BBOF1: variants seen among roughly 807,000 people sequenced by gnomAD.
The protein encoded by BBOF1 is basal body-orientation factor 1.
A neutral mutation model predicts 68.0 loss-of-function variants in BBOF1; 62 were observed. The observed-to-expected ratio is 0.91, with a 90% confidence interval of 0.74 to 1.13. BBOF1 has a LOEUF of 1.13. BBOF1 is among the 50% of genes most tolerant of loss of function. The probability of loss-of-function intolerance (pLI) is 0.00; values close to 1 mark genes in which losing one functional copy is unlikely to be tolerated. For missense variants in BBOF1, 534 were observed against 600.1 expected (o/e 0.89, Z 1.15); for synonymous variants, 208 against 198.8 (o/e 1.05, Z -0.39).
At chr14:74,030,229 T>G (rs2059533962) in intron 3 of BBOF1, among the ~76,000 whole-genome samples, 1 of 152,078 alleles carries the variant, frequency 6.6e-6, no homozygotes, top group Admixed American at 6.6e-5. Context: ...TTTATTTAAT[T>G]TTTTTAGATA....
chr14:74,042,454 T>A (rs1314361038), intron 5 of BBOF1, among the ~76,000 whole-genome samples: 6 of 152,228 alleles, frequency 3.9e-5, no homozygotes, highest in Admixed American at 3.3e-4. Flanking sequence ...AGTGCTTATG[T>A]AAATAGGATT....
intron 11 of BBOF1, among the ~76,000 whole-genome samples, chr14:74,062,439 T>C (rs1329826015): frequency 6.6e-6 from 1 of 152,032 alleles, no homozygotes; most frequent in Non-Finnish European, 1.5e-5. Context: ...CCGTCTCTAC[T>C]ACAAATACAA....
intron 4 of BBOF1, among the ~76,000 whole-genome samples, chr14:74,038,240 T>C (rs1400822862): frequency 6.6e-6 from 1 of 152,212 alleles, no homozygotes; most frequent in Admixed American, 6.5e-5. Flanking sequence ...ACATAAGGAA[T>C]GTCAACTTTT....
chr14:74,047,857 G>A, intron 6 of BBOF1, 73 bp from the exon 7 acceptor site: 1 of 1,377,088 alleles, frequency 7.3e-7, no homozygotes, highest in South Asian at 1.5e-5. Flanking sequence ...TGCAGGTGGT[G>A]AAGCAATCAT....
Position 74,029,232 on chromosome 14 carries a change from G to C in BBOF1, c.334G>C (p.Glu112Gln). 2 of 1,560,878 alleles carry C rather than the reference G, an allele frequency of 1.3e-6. No individual in the cohort carries two copies. The highest frequency in any genetic ancestry group is 1.9e-5 in the Admixed American group (1 of 52,232). ...QLNETKEKAQ[E>Q]EKDKLEQKYT... Reference sequence around the variant, plus strand: ...AAATGAAACAAAGGAAAAAGCCCAAGAGGAGAAGGATAAATTGGTGAGTTA... The same window carrying C: ...AAATGAAACAAAGGAAAAAGCCCAACAGGAGAAGGATAAATTGGTGAGTTA... Residue 112 changes from glutamate to glutamine, a missense_variant, in exon 3 of 12, where the codon GAG becomes CAG. By Grantham distance (29) the Glu-to-Gln change is conservative. Transcript: ENST00000394009.
downstream of BBOF1, chr14:74,067,265 G>A: frequency 8.2e-7 from 1 of 1,222,792 alleles, no homozygotes; most frequent in Middle Eastern, 2.7e-4. Context: ...AGTATAAAGA[G>A]AGGAAATGGC....
chr14:74,048,995 C>T (rs1595071314), intron 7 of BBOF1, among the ~76,000 whole-genome samples: 2 of 152,250 alleles, frequency 1.3e-5, no homozygotes, highest in East Asian at 1.9e-4. Context: ...GACCCAGCCT[C>T]CTGAGTAGCT....
At chr14:74,059,654 C>A in intron 11 of BBOF1, 1 of 193,316 alleles carries the variant, frequency 5.2e-6, no homozygotes. Flanking sequence ...GAGATCACGC[C>A]ATTGCACTCC....
rs765961963 is a variant in BBOF1, at chr14:74,040,823, A to G, written c.576+178A>G. ...AAACCTTCTAGAAATCTCAATATCT[A>G]GTCCTTGTTTTCTCTCTCATTCAGA... On this transcript the variant is annotated intron_variant, in intron 5 of 11. Transcript: ENST00000394009. 16 of 541,350 alleles carry G rather than the reference A, an allele frequency of 3.0e-5. 1 individual carries two copies. In the South Asian group the frequency reaches 4.0e-4, roughly 14 times the overall value. 33.5% of individuals were successfully genotyped at this position (541,350 alleles called of 1,614,324 possible). A position where few individuals can be genotyped will look rare whatever the true frequency, so the allele number is the denominator to read the frequency against.
intron 1 of BBOF1, among the ~76,000 whole-genome samples, chr14:74,022,572 G>GT (rs2059327867): frequency 6.6e-6 from 1 of 152,058 alleles, no homozygotes; most frequent in Non-Finnish European, 1.5e-5. Context: ...AGATATGAAA[G>GT]CTTTCTGAAA....
intron 11 of BBOF1, among the ~76,000 whole-genome samples, chr14:74,061,102 C>G (rs1156271478): frequency 6.9e-6 from 1 of 144,744 alleles, no homozygotes; most frequent in Non-Finnish European, 1.5e-5. Flanking sequence ...CTCAGCCTCT[C>G]GAGTAGCTGG....
chr14:74,028,751 C>T lies in BBOF1; in HGVS notation c.286-433C>T, dbSNP rs137915600. Reference sequence around the variant, plus strand: ...TTAGACAGAGTCTTGCTCTGTCACCCGGGCTGGAGTGCAATGACGCCATCT... The same window carrying T: ...TTAGACAGAGTCTTGCTCTGTCACCTGGGCTGGAGTGCAATGACGCCATCT... On this transcript the variant is annotated intron_variant, in intron 2 of 11. Coordinates refer to ENST00000394009, the MANE Select transcript of BBOF1 (RefSeq NM_025057.3). Among the ~76,000 whole-genome samples the T allele has an allele frequency of 7.7e-3, 1,169 of 151,730 alleles. 16 individuals carry two copies. Among genetic ancestry groups the T allele is most frequent in the African/African-American group, 0.024 (1,013 of 41,356 alleles).
At chr14:74,079,349 C>A (rs11848324) in intron 10 of BBOF1, among the ~76,000 whole-genome samples, 2 of 150,506 alleles carry the variant, frequency 1.3e-5, no homozygotes, top group Admixed American at 6.6e-5. Flanking sequence ...CGGGTTCAGG[C>A]GATTCTCCTG....
intron 7 of BBOF1, among the ~76,000 whole-genome samples, chr14:74,048,800 G>C (rs1307814442): frequency 6.6e-6 from 1 of 152,144 alleles, no homozygotes; most frequent in Non-Finnish European, 1.5e-5. Context: ...GAAAGGGAAA[G>C]GGAAAATAGA....
At chr14:74,066,519 T>C (rs538023622), downstream of BBOF1, among the ~76,000 whole-genome samples, 3 of 152,176 alleles carry the variant, frequency 2.0e-5, no homozygotes, top group South Asian at 6.2e-4. Flanking sequence ...GCTGGTATAG[T>C]GGAAAGAGTT....
At chr14:74,034,306 AAGG>A (rs2059647631) in intron 4 of BBOF1, 135 bp downstream of exon 4, 1 of 600,916 alleles carries the variant, frequency 1.7e-6, no homozygotes, top group East Asian at 3.4e-5. Context: ...TTGAGAGAAA[AAGG>A]AGAAGACAGA....
chr14:74,066,785 G>A, downstream of BBOF1: 1 of 1,613,992 alleles, frequency 6.2e-7, no homozygotes, highest in Non-Finnish European at 8.5e-7. Context: ...CCATCAAGAA[G>A]GATGGAAGCT....
intron 8 of BBOF1, among the ~76,000 whole-genome samples, chr14:74,052,761 C>G (rs953016504): frequency 1.2e-4 from 18 of 152,006 alleles, no homozygotes; most frequent in African/African-American, 4.3e-4. Flanking sequence ...CTTTGGGAGG[C>G]TGAGGCAAGA....
chr14:74,025,050 G>C (rs576776886), intron 2 of BBOF1, among the ~76,000 whole-genome samples: 1 of 152,280 alleles, frequency 6.6e-6, no homozygotes, highest in African/African-American at 2.4e-5. Context: ...TTACATGCAT[G>C]AGCCACAAAA....
Sources: gnomAD v4.1 joint callset for allele counts (sites outside exome capture counted in the v4.1 genomes callset) on GRCh38, gnomAD v4.1.1 for gene constraint, MANE v1.5 for transcripts, NCBI Gene and HGNC (gene_info 2026-07-23, HGNC 2026-07-21) for gene names.